Variants in FCMR observed in about 807,000 individuals in gnomAD.
FCMR encodes the protein immunoglobulin mu Fc receptor.
In FCMR, 34 loss-of-function variants were observed where a neutral mutation model predicts 41.6. That is an observed-to-expected ratio of 0.82 (90% CI 0.62 to 1.09). The LOEUF (loss-of-function observed/expected upper bound fraction) is 1.09, where lower values mean the gene tolerates loss of function less well. Among genes scored for constraint, FCMR ranks in the 50% least tolerant of loss-of-function variants. The pLI is 0.00. For synonymous variants in FCMR, 209 were observed against 211.8 expected (o/e 0.99, Z 0.12); for missense variants, 496 against 512.5 (o/e 0.97, Z 0.31).
rs1412754983 is a variant in FCMR at position 206,904,662 on chromosome 1, T to G, written c.*357A>C. 3.7e-6 allele frequency: 1 copy of G among 273,044 alleles called. No individual in the cohort carries two copies. The highest frequency in any genetic ancestry group is 4.8e-5 in the Admixed American group (1 of 20,898). 16.9% of individuals were successfully genotyped at this position (273,044 alleles called of 1,614,324 possible). A position where few individuals can be genotyped will look rare whatever the true frequency, so the allele number is the denominator to read the frequency against. On this transcript the variant is annotated 3_prime_UTR_variant, in exon 8 of 8. Coordinates refer to ENST00000367091, the MANE Select transcript of FCMR (RefSeq NM_005449.5). ...TAGCTATGCCTCTGCCCCAGCCTGA[T>G]GCCATGTGATCTAGAGCCTGGGCAG...
chr1:206,910,283 G>C lies in FCMR; in HGVS notation c.768C>G (p.Ile256Met). The C allele has an allele frequency of 1.3e-6, 2 of 1,578,234 alleles. No individual in the cohort carries two copies. Among genetic ancestry groups the C allele is most frequent in the Non-Finnish European group, 1.7e-6 (2 of 1,161,860 alleles). The change falls in exon 5 of 8, where the codon ATC becomes ATG. Residue 256 changes from isoleucine to methionine, a missense_variant. By Grantham distance (10) the Ile-to-Met change is conservative. Coordinates refer to ENST00000367091, the MANE Select transcript of FCMR (RefSeq NM_005449.5). ...GCAGGAAAAGGCCCAGGATGGTCGG[G>C]ATCAGGATGTGAAATCCTTGGCCTT... ...GREGQGFHILIPTILGLFLLA... is the reference protein window; with the variant it reads ...GREGQGFHILMPTILGLFLLA...
chr1:206,916,278 G>C (rs891727829), intron 1 of FCMR, among the ~76,000 whole-genome samples: 2 of 152,230 alleles, frequency 1.3e-5, no homozygotes, highest in Non-Finnish European at 2.9e-5. Flanking sequence ...GAATCACCCT[G>C]TGCATCCAGA....
At chr1:206,908,311 G>A (rs1260000146) in intron 7 of FCMR, 31 of 707,456 alleles carry the variant, frequency 4.4e-5, no homozygotes, top group Non-Finnish European at 2.4e-6. Flanking sequence ...CGGGACCCAG[G>A]GGCAGCAGCA....
At chr1:206,915,592 C>G (rs1419349067) in intron 1 of FCMR, among the ~76,000 whole-genome samples, 1 of 152,076 alleles carries the variant, frequency 6.6e-6, no homozygotes, top group Non-Finnish European at 1.5e-5. Flanking sequence ...AGGGTAAGGC[C>G]GTGTCTGACT....
chr1:206,907,733 G>A, intron 7 of FCMR: 1 of 992,588 alleles, frequency 1.0e-6, no homozygotes, highest in Middle Eastern at 2.1e-4. Context: ...CGTACGCTGG[G>A]AGGGCATCAA....
intron 7 of FCMR, among the ~76,000 whole-genome samples, chr1:206,907,080 CGGGGGGTGGGGGGGTG>C (rs1310801720): frequency 3.5e-4 from 9 of 25,710 alleles, no homozygotes; most frequent in South Asian, 9.9e-4. Flanking sequence ...CCGGAGAAGC[CGGGGGGTGGGGGGGTG>C]GGGGGGTGGG....
intron 1 of FCMR, among the ~76,000 whole-genome samples, chr1:206,918,576 G>A (rs1679292081): frequency 2.0e-5 from 3 of 151,748 alleles, no homozygotes; most frequent in African/African-American, 7.3e-5. Flanking sequence ...ACACTCTTCC[G>A]ATGACCCCAT....
At chr1:206,922,004 C>G (rs764181675), upstream of FCMR, 8 of 688,790 alleles carry the variant, frequency 1.2e-5, no homozygotes, top group Non-Finnish European at 2.0e-5. Flanking sequence ...GAAATGACAA[C>G]CTCCCTTGTT....
chr1:206,910,587 A>C (rs1036888073), intron 4 of FCMR, among the ~76,000 whole-genome samples: 4 of 152,198 alleles, frequency 2.6e-5, no homozygotes, highest in Non-Finnish European at 5.9e-5. Flanking sequence ...TCTGAGCCTT[A>C]TCTCTCCATA....
At chr1:206,922,178 C>G (rs1031718285), upstream of FCMR, among the ~76,000 whole-genome samples, 2 of 152,346 alleles carry the variant, frequency 1.3e-5, no homozygotes, top group Middle Eastern at 3.4e-3. Flanking sequence ...ATTCCTTTGT[C>G]TTGGTGCTTT....
At chr1:206,914,832 G>C (rs747894131) in intron 1 of FCMR, among the ~76,000 whole-genome samples, 2 of 151,928 alleles carry the variant, frequency 1.3e-5, no homozygotes, top group Non-Finnish European at 2.9e-5. Context: ...ATGCCTTAGC[G>C]TTACCTTAAT....
chr1:206,920,152 G>A (rs1036125819), intron 1 of FCMR, among the ~76,000 whole-genome samples: 2 of 152,104 alleles, frequency 1.3e-5, no homozygotes, highest in African/African-American at 4.8e-5. Context: ...GGACTTTGAA[G>A]AACCCATAAA....
At chr1:206,912,132 T>C (rs1678971292) in intron 3 of FCMR, among the ~76,000 whole-genome samples, 180 bp from the exon 4 acceptor site, 2 of 152,220 alleles carry the variant, frequency 1.3e-5, no homozygotes, top group African/African-American at 4.8e-5. Context: ...CAATTCCAAG[T>C]ATATTTGCTT....
At chr1:206,921,998 T>C (rs1679460853), upstream of FCMR, 2 of 708,492 alleles carry the variant, frequency 2.8e-6, no homozygotes, top group African/African-American at 3.6e-5. Flanking sequence ...GATGAGGAAA[T>C]GACAACCTCC....
At chr1:206,921,787 G>T in intron 1 of FCMR, 31 bp downstream of exon 1, 4 of 1,606,018 alleles carry the variant, frequency 2.5e-6, no homozygotes, top group Non-Finnish European at 3.4e-6. Context: ...GCCTCATTCA[G>T]AGGTCTGAAG....
At chr1:206,914,948 T>C (rs1679123835) in intron 1 of FCMR, among the ~76,000 whole-genome samples, 1 of 152,150 alleles carries the variant, frequency 6.6e-6, no homozygotes, top group Non-Finnish European at 1.5e-5. Context: ...CAAAGAGACA[T>C]AATATGCCTC....
chr1:206,922,112 T>C (rs1679463314), upstream of FCMR: 1 of 537,124 alleles, frequency 1.9e-6, no homozygotes, highest in Middle Eastern at 5.0e-4. Context: ...AGGGTCACCC[T>C]GTTCAAAAGG....
intron 1 of FCMR, among the ~76,000 whole-genome samples, chr1:206,915,736 G>T (rs561425558): frequency 6.6e-6 from 1 of 152,272 alleles, no homozygotes; most frequent in South Asian, 2.1e-4. Context: ...CAAATAGCCA[G>T]AACAGTCCCC....
At position 206,913,037 on chromosome 1, in the gene FCMR, C is replaced by T. The variant is rs749787467; in HGVS notation, c.379G>A (p.Glu127Lys). The change falls in exon 3 of 8, where the codon GAG (glutamate) becomes AAG (lysine). Residue 127 changes from glutamate to lysine, a missense_variant. By Grantham distance (56) the Glu-to-Lys change is moderately conservative (BLOSUM62 1). Coordinates refer to ENST00000367091, the MANE Select transcript of FCMR (RefSeq NM_005449.5). ...ATTGGCTGCTCTTCCCATGATGGCTCGTATTCTATTGGAAGGAAGAGGAAT... is the reference window on the plus strand; with the variant it reads ...ATTGGCTGCTCTTCCCATGATGGCTTGTATTCTATTGGAAGGAAGAGGAAT... ...KVTLNVHSEY[E>K]PSWEEQPMPE... The T allele has an allele frequency of 1.9e-5, 31 of 1,609,810 alleles. No individual in the cohort carries two copies. The highest frequency in any genetic ancestry group is 2.2e-5 in the East Asian group (1 of 44,834).
Sources: allele counts gnomAD v4.1 joint callset (sites outside exome capture counted in the v4.1 genomes callset), GRCh38; gene constraint gnomAD v4.1.1; transcripts MANE v1.5; gene names NCBI Gene and HGNC (gene_info 2026-07-23, HGNC 2026-07-21).